The following BMP6 variants were observed in gnomAD, a reference collection of about 807,000 sequenced individuals.
BMP6 encodes the protein VG-1-R.
BMP6 carries 17 observed loss-of-function variants against 54.1 expected under a neutral mutation model. The observed-to-expected ratio is 0.31, with a 90% confidence interval of 0.22 to 0.47. The LOEUF (loss-of-function observed/expected upper bound fraction) is 0.47, where lower values mean the gene tolerates loss of function less well. BMP6 is among the 20% of genes least tolerant of loss of function. BMP6 has a pLI of 1.00. For synonymous variants in BMP6, 328 were observed against 291.2 expected (o/e 1.13, Z -1.28); for missense variants, 720 against 690.4 (o/e 1.04, Z -0.48).
At chr6:7,842,916 T>C (rs915105687) in intron 1 of BMP6, among the ~76,000 whole-genome samples, 7 of 152,252 alleles carry the variant, frequency 4.6e-5, no homozygotes, top group African/African-American at 1.7e-4. Flanking sequence ...AAATATTATT[T>C]TCATTTAGTA....
chr6:7,865,317 C>G (rs1011472874), intron 4 of BMP6, among the ~76,000 whole-genome samples: 1 of 152,064 alleles, frequency 6.6e-6, no homozygotes, highest in African/African-American at 2.4e-5. Flanking sequence ...TTGCTTTGTC[C>G]CTTTCAGTAG....
intron 1 of BMP6, among the ~76,000 whole-genome samples, chr6:7,812,606 C>T (rs570674567): frequency 6.6e-6 from 1 of 152,220 alleles, no homozygotes; most frequent in South Asian, 2.1e-4. Flanking sequence ...TACACATTAA[C>T]CCTCTGGTAT....
At chr6:7,831,620 C>T (rs1387555676) in intron 1 of BMP6, among the ~76,000 whole-genome samples, 2 of 152,146 alleles carry the variant, frequency 1.3e-5, no homozygotes, top group African/African-American at 2.4e-5. Context: ...AGATTAATTT[C>T]CTTCCTTGGC....
At chr6:7,823,849 G>C (rs558480818) in intron 1 of BMP6, among the ~76,000 whole-genome samples, 1 of 152,308 alleles carries the variant, frequency 6.6e-6, no homozygotes, top group Admixed American at 6.5e-5. Flanking sequence ...CCCTACGTGG[G>C]TTAGGCTTTG....
At chr6:7,820,087 G>C (rs193169915) in intron 1 of BMP6, among the ~76,000 whole-genome samples, 1 of 152,236 alleles carries the variant, frequency 6.6e-6, no homozygotes, top group Admixed American at 6.5e-5. Flanking sequence ...ATAAAATAGA[G>C]ATAACCAAAA....
intron 1 of BMP6, among the ~76,000 whole-genome samples, chr6:7,840,857 C>G (rs1466324150): frequency 6.6e-6 from 1 of 152,162 alleles, no homozygotes; most frequent in Admixed American, 6.5e-5. Context: ...CAGGAGCCAG[C>G]CACCAAGGCT....
rs1233992843 is a variant in BMP6 at position 7,786,481 on chromosome 6, T to A, written c.665-58659T>A. ...GTCTGTTTTTTTTTTTTTTTTTTTT[T>A]AAATAAAATCCCTCTGGAAACCTTT... On this transcript the variant is annotated intron_variant, in intron 1 of 6. Transcript: ENST00000283147. 1.4e-3 allele frequency among the ~76,000 whole-genome samples: 148 copies of A among 107,506 alleles called. 1 individual carries two copies. Among genetic ancestry groups the A allele is most frequent in the African/African-American group, 4.5e-3 (129 of 28,852 alleles). 70.5% of individuals were successfully genotyped at this position (107,506 alleles called of 152,430 possible).
rs1435713361 is a variant in BMP6, at chr6:7,880,298, G to GA, written c.1503dup (p.Tyr502IlefsTer34). 1.9e-6 allele frequency: 3 copies of GA among 1,613,950 alleles called. No homozygotes were observed. The highest frequency in any genetic ancestry group is 2.5e-6 in the Non-Finnish European group (3 of 1,180,006). ...TTGATGACAACTCCAATGTCATTCT[G>GA]AAAAAATACAGGAATATGGTTGTAA... On this transcript the variant is annotated frameshift_variant, in exon 7 of 7. Transcript: ENST00000283147. LOFTEE classifies it high-confidence loss of function.
chr6:7,728,410 C>T (rs1337343222), intron 1 of BMP6, among the ~76,000 whole-genome samples: 1 of 152,180 alleles, frequency 6.6e-6, no homozygotes, highest in Non-Finnish European at 1.5e-5. Flanking sequence ...TCCTCTGAAC[C>T]GGTTGCCAGG....
At chr6:7,801,440 G>T (rs187238690) in intron 1 of BMP6, among the ~76,000 whole-genome samples, 103 of 152,314 alleles carry the variant, frequency 6.8e-4, no homozygotes, top group African/African-American at 2.4e-3. Context: ...GCAAACCCAG[G>T]TGAACAGGAA....
chr6:7,836,392 T>C (rs1055606705), intron 1 of BMP6, among the ~76,000 whole-genome samples: 2 of 152,202 alleles, frequency 1.3e-5, no homozygotes, highest in Non-Finnish European at 2.9e-5. Context: ...GGTGGTAACA[T>C]GGATCTATAC....
intron 1 of BMP6, among the ~76,000 whole-genome samples, chr6:7,825,802 A>G (rs1195016596): frequency 6.6e-6 from 1 of 152,076 alleles, no homozygotes; most frequent in African/African-American, 2.4e-5. Flanking sequence ...CATTTGAAGT[A>G]CACACCCCTT....
chr6:7,862,781 CTT>C, intron 4 of BMP6, among the ~76,000 whole-genome samples: 1 of 152,254 alleles, frequency 6.6e-6, no homozygotes, highest in Non-Finnish European at 1.5e-5. Flanking sequence ...TTCTCCAACT[CTT>C]TTTTAAATTC....
chr6:7,853,790 C>T (rs1337649710), intron 2 of BMP6, among the ~76,000 whole-genome samples: 1 of 152,038 alleles, frequency 6.6e-6, no homozygotes, highest in Non-Finnish European at 1.5e-5. Flanking sequence ...GTATTTGTTC[C>T]TTTGCCCCTG....
chr6:7,873,258 C>A (rs1759557413), intron 4 of BMP6, among the ~76,000 whole-genome samples: 1 of 152,188 alleles, frequency 6.6e-6, no homozygotes, highest in Non-Finnish European at 1.5e-5. Context: ...TTTGGGAGTT[C>A]ACATTACCGC....
Position 7,851,764 on chromosome 6 carries a change from T to G in BMP6, c.857+6432T>G, listed in dbSNP as rs190673064. On this transcript the variant is annotated intron_variant, in intron 2 of 6. Transcript: ENST00000283147. ...TTCTCTATTTCTAGTATTCTAAGAG[T>G]TTTTTAACATTAGGAATGGGCATGG... 4.5e-3 allele frequency among the ~76,000 whole-genome samples: 679 copies of G among 152,194 alleles called. 5 individuals are homozygous for G. Among genetic ancestry groups the G allele is most frequent in the South Asian group, 0.01 (50 of 4,818 alleles).
chr6:7,805,689 A>G (rs902735794), intron 1 of BMP6, among the ~76,000 whole-genome samples: 2 of 152,246 alleles, frequency 1.3e-5, no homozygotes, highest in East Asian at 1.9e-4. Flanking sequence ...AACAGTGTCA[A>G]TATTTGGTAC....
At chr6:7,811,726 A>G (rs1581258006) in intron 1 of BMP6, among the ~76,000 whole-genome samples, 1 of 152,142 alleles carries the variant, frequency 6.6e-6, no homozygotes, top group South Asian at 2.1e-4. Flanking sequence ...TTGTCGCTCT[A>G]ACATCTTCCT....
rs1249857600 is a variant in BMP6 at position 7,881,388 on chromosome 6, C to CTAAACTGATTAAATAAT, written c.*1046_*1062dup. On this transcript the variant is annotated 3_prime_UTR_variant, in exon 7 of 7. Coordinates refer to ENST00000283147, the MANE Select transcript of BMP6 (RefSeq NM_001718.6). The stretch of plus-strand genomic sequence containing the variant: ...CATGTACTGGGAAGGCAATTTCATA[C>CTAAACTGATTAAATAAT]TAAACTGATTAAATAATACATTTAT... The CTAAACTGATTAAATAAT allele has an allele frequency of 6.6e-6, 1 of 152,562 alleles. No individual in the cohort carries two copies. Among genetic ancestry groups the CTAAACTGATTAAATAAT allele is most frequent in the Non-Finnish European group, 1.5e-5 (1 of 68,030 alleles). 9.5% of individuals were successfully genotyped at this position (152,562 alleles called of 1,614,324 possible).
Sources: gnomAD v4.1 joint callset for allele counts (sites outside exome capture counted in the v4.1 genomes callset) on GRCh38, gnomAD v4.1.1 for gene constraint, MANE v1.5 for transcripts, NCBI Gene and HGNC (gene_info 2026-07-23, HGNC 2026-07-21) for gene names.